The following MAB21L4 variants were observed in gnomAD, a reference collection of about 807,000 sequenced individuals.
MAB21L4 encodes mab-21 like 4.
MAB21L4 carries 25 observed loss-of-function variants against 32.4 expected under a neutral mutation model. The ratio of observed to expected loss-of-function variants is 0.77; its 90% CI spans 0.56 to 1.08. The LOEUF is 1.08. Among genes scored for constraint, MAB21L4 ranks in the 50% least tolerant of loss-of-function variants. The probability of loss-of-function intolerance (pLI) is 0.00; values close to 1 mark genes in which losing one functional copy is unlikely to be tolerated. For synonymous variants in MAB21L4, 280 were observed against 276.8 expected (o/e 1.01, Z -0.11); for missense variants, 638 against 611.0 (o/e 1.04, Z -0.47).
chr2:240,888,345 C>T lies in MAB21L4; in HGVS notation c.1198G>A (p.Ala400Thr), dbSNP rs1322490845. 6.3e-7 allele frequency: 1 copy of T among 1,581,128 alleles called. No individual in the cohort carries two copies. Among genetic ancestry groups the T allele is most frequent in the Non-Finnish European group, 8.6e-7 (1 of 1,166,878 alleles). Reference protein sequence around the residue: ...SGLKALLQLPASDPTYWATAY... With the variant: ...SGLKALLQLPTSDPTYWATAY... ...GTGGCCCAGTAAGTGGGGTCACTGGCTGGCAGCTGCAGGAGCGCCTTGAGC... is the reference window on the plus strand; with the variant it reads ...GTGGCCCAGTAAGTGGGGTCACTGGTTGGCAGCTGCAGGAGCGCCTTGAGC... Residue 400 changes from alanine (A) to threonine (T), a missense_variant, in exon 4 of 5, where the codon GCC becomes ACC. Physicochemically the swap from Ala to Thr is moderately conservative, Grantham distance 58. Transcript: ENST00000388934.
intron 4 of MAB21L4, 74 bp downstream of exon 4, chr2:240,888,218 G>C (rs2059112384): frequency 8.1e-7 from 1 of 1,233,054 alleles, no homozygotes; most frequent in Admixed American, 2.6e-5. Flanking sequence ...GAATGGGCAG[G>C]GAGCCAGGCC....
chr2:240,891,505 C>A, intron 2 of MAB21L4, 33 bp downstream of exon 2: 1 of 1,553,114 alleles, frequency 6.4e-7, no homozygotes. Flanking sequence ...TGCCCCCTCC[C>A]CAAGAACCTT....
At chr2:240,888,259 G>A (rs34927891) in intron 4 of MAB21L4, 33 bp downstream of exon 4, 276,029 of 1,487,850 alleles carry the variant, frequency 0.19, 27,954 homozygotes, top group Non-Finnish European at 0.21. Context: ...CATGCCCCCG[G>A]GCCTGCCCAA....
In MAB21L4 at chr2:240,887,133, G is replaced by T. The variant is rs774428637; in HGVS notation, c.1281C>A (p.Asp427Glu). The T allele has an allele frequency of 3.7e-6, 6 of 1,614,082 alleles. No homozygotes were observed. The highest frequency in any genetic ancestry group is 4.2e-6 in the Non-Finnish European group (5 of 1,180,028). The stretch of plus-strand genomic sequence containing the variant: ...AGATGCTCTGCATGGCAGAGATCCG[G>T]TCCTTATCCTGGATGTTGAAGACCT... ...KFQVFNIQDK[D>E]RISAMQSIFQ... is the part of the protein sequence containing the mutation. The change falls in exon 5 of 5, where the codon GAC (aspartate) becomes GAA (glutamate). Residue 427 changes from aspartate (D) to glutamate (E), a missense_variant. Coordinates refer to ENST00000388934, the MANE Select transcript of MAB21L4 (RefSeq NM_001085437.3).
rs1327529296 is a variant in MAB21L4 at position 240,896,049 on chromosome 2, G to A, written c.-52C>T. 1.4e-6 allele frequency: 2 copies of A among 1,414,936 alleles called. No individual in the cohort carries two copies. The highest frequency in any genetic ancestry group is 1.8e-6 in the Non-Finnish European group (2 of 1,089,296). 87.6% of individuals were successfully genotyped at this position (1,414,936 alleles called of 1,614,324 possible). A position where few individuals can be genotyped will look rare whatever the true frequency, so the allele number is the denominator to read the frequency against. The stretch of plus-strand genomic sequence containing the variant: ...AGTGGCCCCTGAGGAGGACTCCGCA[G>A]GCCAGCTGTGCAGATGGGCTGTGAG... On this transcript the variant is annotated 5_prime_UTR_variant, in exon 1 of 5. Coordinates refer to ENST00000388934, the MANE Select transcript of MAB21L4 (RefSeq NM_001085437.3).
intron 4 of MAB21L4, among the ~76,000 whole-genome samples, 182 bp downstream of exon 4, chr2:240,888,110 C>A (rs531365289): frequency 1.3e-5 from 2 of 152,294 alleles, no homozygotes; most frequent in South Asian, 4.1e-4. Context: ...GGGACCCCCA[C>A]GGCCCGTGTG....
chr2:240,891,197 C>T (rs1423645852), intron 2 of MAB21L4, among the ~76,000 whole-genome samples: 5 of 152,210 alleles, frequency 3.3e-5, no homozygotes, highest in Admixed American at 2.0e-4. Flanking sequence ...TCTCTGGGAA[C>T]CCACCTGCCT....
Position 240,888,412 on chromosome 2 carries a change from G to T in MAB21L4, c.1131C>A (p.Ala377=). The change falls in exon 4 of 5, where the codon GCC becomes GCA. Residue 377 remains alanine (A), a synonymous_variant. Transcript: ENST00000388934. ...SQPEAALRIH[A]THLGRSPPPR... ...GCGGGGGGCTGCGGCCCAGGTGGGT[G>T]GCGTGGATGCGCAGGGCCGCCTCGG... 1 of 1,557,382 alleles carries T rather than the reference G, an allele frequency of 6.4e-7. No individual in the cohort carries two copies.
chr2:240,894,475 C>T (rs1574729044), intron 1 of MAB21L4, among the ~76,000 whole-genome samples: 1 of 152,164 alleles, frequency 6.6e-6, no homozygotes, highest in African/African-American at 2.4e-5. Context: ...CTGAAGGAGC[C>T]CTGGGCTCAG....
rs376269143 is a variant in MAB21L4 at position 240,890,096 on chromosome 2, C to T, written c.803G>A (p.Arg268His). ...LGELGSLQGH[R>H]LDSLSILDRV... The stretch of plus-strand genomic sequence containing the variant: ...GTCGAGGATGGAGAGGCTGTCCAGG[C>T]GATGACCCTGCAGGGAGCCCAGCTC... Residue 268 changes from arginine (R) to histidine (H), a missense_variant, in exon 3 of 5, where the codon CGC (arginine) becomes CAC (histidine). Coordinates refer to ENST00000388934, the MANE Select transcript of MAB21L4 (RefSeq NM_001085437.3). 4.3e-6 allele frequency: 7 copies of T among 1,613,158 alleles called. No homozygotes were observed. In the South Asian group the frequency reaches 4.4e-5, roughly 10 times the overall value.
rs1444598108 is a variant in MAB21L4 at position 240,887,050 on chromosome 2, C to CTGAG, written c.*16_*19dup. 1 of 1,602,820 alleles carries CTGAG rather than the reference C, an allele frequency of 6.2e-7. No individual in the cohort carries two copies. Among genetic ancestry groups the CTGAG allele is most frequent in the South Asian group, 1.1e-5 (1 of 90,830 alleles). ...CTGTTGGGGAGCCAAGAACAGGTGG[C>CTGAG]TGAGACCAGGTGGCCCAGCTCAGCT... On this transcript the variant is annotated 3_prime_UTR_variant, in exon 5 of 5. Coordinates refer to ENST00000388934, the MANE Select transcript of MAB21L4 (RefSeq NM_001085437.3).
chr2:240,887,504 T>C, intron 4 of MAB21L4, among the ~76,000 whole-genome samples: 1 of 152,248 alleles, frequency 6.6e-6, no homozygotes, highest in Non-Finnish European at 1.5e-5. Flanking sequence ...CTTTGCCCCC[T>C]AATCTGCAGG....
At position 240,887,084 on chromosome 2, in the gene MAB21L4, C is replaced by T; in HGVS notation, c.1330G>A (p.Gly444Ser). 6.2e-7 allele frequency: 1 copy of T among 1,614,106 alleles called. No individual in the cohort carries two copies. The highest frequency in any genetic ancestry group is 1.7e-5 in the Admixed American group (1 of 60,028). Residue 444 changes from glycine to serine, a missense_variant, in exon 5 of 5, where the codon GGC becomes AGC. Gly to Ser is a moderately conservative substitution (Grantham distance 56). Coordinates refer to ENST00000388934, the MANE Select transcript of MAB21L4 (RefSeq NM_001085437.3). ...GGTGGCCCAGCTCAGCTCTCCTCGC[C>T]TCCCAGAGTCCTGGTCTTCTGGAAG... ...SIFQKTRTLGGEES is the reference protein window; with the variant it reads ...SIFQKTRTLGSEES
chr2:240,894,436 A>G (rs11676355), intron 1 of MAB21L4, among the ~76,000 whole-genome samples: 24,255 of 152,112 alleles, frequency 0.16, 2,362 homozygotes, highest in East Asian at 0.24. Context: ...CTGTCCTCCC[A>G]GCGACCGTCG....
intron 2 of MAB21L4, among the ~76,000 whole-genome samples, 200 bp from the exon 3 acceptor site, chr2:240,890,358 TC>T (rs1312464204): frequency 6.6e-6 from 1 of 152,146 alleles, no homozygotes; most frequent in East Asian, 1.9e-4. Context: ...TCGTGGAGAC[TC>T]CCTGGCCCTG....
Position 240,888,610 on chromosome 2 carries a change from G to T in MAB21L4, c.933C>A (p.Pro311=). 1 of 1,599,834 alleles carries T rather than the reference G, an allele frequency of 6.3e-7. No homozygotes were observed. ...LLWASVLFLA[P]EDWAELQGAV... ...CGCCCTGCAGTTCTGCCCAGTCCTC[G>T]GGCGCCAGGAAGAGCACAGAGGCCC... The change falls in exon 4 of 5, where the codon CCC becomes CCA. Residue 311 remains proline (P), a synonymous_variant. Transcript: ENST00000388934.
At chr2:240,892,667 C>T (rs147678947) in intron 1 of MAB21L4, among the ~76,000 whole-genome samples, 1 of 152,302 alleles carries the variant, frequency 6.6e-6, no homozygotes, top group Non-Finnish European at 1.5e-5. Flanking sequence ...AGTGACGGAG[C>T]TCAGCCACTA....
chr2:240,888,163 G>T, intron 4 of MAB21L4, 129 bp downstream of exon 4: 1 of 740,920 alleles, frequency 1.3e-6, no homozygotes, highest in Non-Finnish European at 2.1e-6. Flanking sequence ...CTCCATCCGA[G>T]CCCTGACCTG....
chr2:240,896,462 G>A (rs2059187993), upstream of MAB21L4, among the ~76,000 whole-genome samples: 1 of 152,150 alleles, frequency 6.6e-6, no homozygotes, highest in African/African-American at 2.4e-5. Flanking sequence ...CCGGGTATCT[G>A]GATCAGGCCC....
Sources: allele counts gnomAD v4.1 joint callset (sites outside exome capture counted in the v4.1 genomes callset), GRCh38; gene constraint gnomAD v4.1.1; transcripts MANE v1.5; gene names NCBI Gene and HGNC (gene_info 2026-07-23, HGNC 2026-07-21).